Variants in SLCO5A1 observed in about 807,000 individuals in gnomAD.
SLCO5A1 encodes the protein organic anion transporter polypeptide-related protein 4.
In SLCO5A1, 39 loss-of-function variants were observed where a neutral mutation model predicts 65.1. The ratio of observed to expected loss-of-function variants is 0.60; its 90% CI spans 0.46 to 0.78. The LOEUF is 0.78. Among genes scored for constraint, SLCO5A1 ranks in the 30% least tolerant of loss-of-function variants. The probability of loss-of-function intolerance (pLI) is 0.00; values close to 1 mark genes in which losing one functional copy is unlikely to be tolerated. For missense variants in SLCO5A1, 1,029 were observed against 1,069.4 expected (o/e 0.96, Z 0.53); for synonymous variants, 438 against 415.7 (o/e 1.05, Z -0.65).
chr8:69,720,795 TC>T (rs1003522780), intron 5 of SLCO5A1, among the ~76,000 whole-genome samples: 4 of 152,240 alleles, frequency 2.6e-5, no homozygotes, highest in Non-Finnish European at 4.4e-5. Context: ...CTCTTTTTTT[TC>T]CTAAAGCAAG....
intron 2 of SLCO5A1, among the ~76,000 whole-genome samples, chr8:69,784,947 AAAG>A (rs1320632057): frequency 2.0e-5 from 3 of 147,952 alleles, no homozygotes; most frequent in Non-Finnish European, 3.0e-5. Flanking sequence ...AGAAAGAAAG[AAAG>A]AAGAAAGGAA....
chr8:69,770,313 G>A (rs777173166), intron 2 of SLCO5A1, among the ~76,000 whole-genome samples: 14 of 152,200 alleles, frequency 9.2e-5, no homozygotes, highest in Middle Eastern at 3.4e-3. Flanking sequence ...ACCAGATCCC[G>A]GCCCGGCACG....
chr8:69,757,673 C>A (rs1375317187), intron 3 of SLCO5A1, among the ~76,000 whole-genome samples: 8 of 152,110 alleles, frequency 5.3e-5, no homozygotes, highest in East Asian at 1.9e-4. Context: ...GAGTGAAACT[C>A]TGTCTCAAAA....
At chr8:69,768,128 G>A (rs922322033) in intron 2 of SLCO5A1, among the ~76,000 whole-genome samples, 4 of 152,082 alleles carry the variant, frequency 2.6e-5, no homozygotes, top group Admixed American at 2.6e-4. Flanking sequence ...AGCTACTCGG[G>A]AGGCTGAAGT....
At chr8:69,702,577 T>C (rs1814792613) in intron 6 of SLCO5A1, among the ~76,000 whole-genome samples, 1 of 152,096 alleles carries the variant, frequency 6.6e-6, no homozygotes, top group Admixed American at 6.5e-5. Context: ...GATGGCACAG[T>C]ATTCTGTAAT....
intron 2 of SLCO5A1, among the ~76,000 whole-genome samples, chr8:69,769,309 G>T (rs1471581120): frequency 2.1e-5 from 3 of 140,238 alleles, no homozygotes; most frequent in African/African-American, 9.2e-5. Context: ...CATCTTTCCA[G>T]CTAGGTTAGA....
chr8:69,829,657 G>A (rs1376923847), intron 2 of SLCO5A1, among the ~76,000 whole-genome samples: 1 of 150,672 alleles, frequency 6.6e-6, no homozygotes, highest in African/African-American at 2.5e-5. Flanking sequence ...CAGCCTGGGT[G>A]AAAGAAAGAC....
rs755704425 is a variant in SLCO5A1, at chr8:69,831,953, T to G, written c.721A>C (p.Asn241His). ...APNDGLCQGG[N>H]STATLEPPAC... ...GGAGGCTCCAAAGTGGCGGTGGAGT[T>G]GCCACCCTGACACAGGCCGTCGTTG... Residue 241 changes from asparagine (N) to histidine (H), a missense_variant, in exon 2 of 10, where the codon AAC becomes CAC. Physicochemically the swap from Asn to His is moderately conservative, Grantham distance 68. This residue lies in a region of SLCO5A1 where 647 missense variants were observed against 647.5 expected (regional missense o/e 1.00). Coordinates refer to ENST00000260126, the MANE Select transcript of SLCO5A1 (RefSeq NM_030958.3). The G allele has an allele frequency of 6.3e-7, 1 of 1,594,432 alleles. No individual in the cohort carries two copies. The highest frequency in any genetic ancestry group is 1.1e-5 in the South Asian group (1 of 88,188).
intron 2 of SLCO5A1, among the ~76,000 whole-genome samples, chr8:69,802,291 C>G (rs1586817020): frequency 6.6e-6 from 1 of 151,782 alleles, no homozygotes; most frequent in East Asian, 1.9e-4. Flanking sequence ...TCGCTTGAGT[C>G]CAGGAGTTCA....
At chr8:69,773,237 G>A (rs758651524) in intron 2 of SLCO5A1, among the ~76,000 whole-genome samples, 10 of 152,242 alleles carry the variant, frequency 6.6e-5, no homozygotes, top group Admixed American at 1.3e-4. Context: ...TCTTCTCTGC[G>A]TGCCCTAGAG....
At position 69,705,308 on chromosome 8, in the gene SLCO5A1, G is replaced by GC. The variant is rs1192324045; in HGVS notation, c.1424-80_1424-79insG. 265 of 1,398,576 alleles carry GC rather than the reference G, an allele frequency of 1.9e-4. 2 individuals carry two copies. The highest frequency in any genetic ancestry group is 4.0e-5 in the Non-Finnish European group (40 of 1,008,174). 86.6% of individuals were successfully genotyped at this position (1,398,576 alleles called of 1,614,324 possible). A position where few individuals can be genotyped will look rare whatever the true frequency, so the allele number is the denominator to read the frequency against. On this transcript the variant is annotated intron_variant, in intron 5 of 9. Transcript: ENST00000260126. ...TCTTATCTATTCTGTCTCTTGCTCA[G>GC]TAGTACTGAGGTAAAAAATCAAAAG...
intron 6 of SLCO5A1, among the ~76,000 whole-genome samples, chr8:69,691,148 T>C (rs898931626): frequency 1.3e-5 from 2 of 152,192 alleles, no homozygotes; most frequent in African/African-American, 4.8e-5. Context: ...GACACACCTG[T>C]ATGAAGTACA....
chr8:69,756,212 C>T (rs1429861746), intron 3 of SLCO5A1, among the ~76,000 whole-genome samples: 1 of 152,128 alleles, frequency 6.6e-6, no homozygotes, highest in Non-Finnish European at 1.5e-5. Context: ...TGAGACCAGC[C>T]TGGCCAACAT....
At chr8:69,752,859 C>T (rs1490514895) in intron 4 of SLCO5A1, among the ~76,000 whole-genome samples, 1 of 152,124 alleles carries the variant, frequency 6.6e-6, no homozygotes. Context: ...ATCAAAAATA[C>T]TAACAAGAAA....
At chr8:69,691,249 G>T (rs191128881) in intron 6 of SLCO5A1, among the ~76,000 whole-genome samples, 19 of 152,206 alleles carry the variant, frequency 1.2e-4, no homozygotes, top group African/African-American at 4.6e-4. Context: ...ATGTGAGTTG[G>T]AAATGGGCCA....
At chr8:69,701,919 A>C (rs1205661163) in intron 6 of SLCO5A1, among the ~76,000 whole-genome samples, 1 of 152,212 alleles carries the variant, frequency 6.6e-6, no homozygotes, top group Non-Finnish European at 1.5e-5. Context: ...CAAAAAAAGG[A>C]TTTGACCACA....
intron 5 of SLCO5A1, among the ~76,000 whole-genome samples, chr8:69,735,174 A>G (rs1294719529): frequency 6.6e-6 from 1 of 152,190 alleles, no homozygotes; most frequent in East Asian, 1.9e-4. Context: ...GAAACAACAG[A>G]TGCTGCCAAG....
chr8:69,681,154 A>C (rs1813746706), intron 7 of SLCO5A1, among the ~76,000 whole-genome samples: 1 of 152,246 alleles, frequency 6.6e-6, no homozygotes, highest in African/African-American at 2.4e-5. Context: ...TAAAACTCAG[A>C]CATCAAAAAC....
intron 5 of SLCO5A1, among the ~76,000 whole-genome samples, chr8:69,710,173 C>T (rs1449714496): frequency 6.6e-6 from 1 of 151,974 alleles, no homozygotes; most frequent in African/African-American, 2.4e-5. Context: ...CGCTGGCAAC[C>T]ACGACCGGCT....
Sources: gnomAD v4.1 joint callset for allele counts (sites outside exome capture counted in the v4.1 genomes callset) on GRCh38, gnomAD v4.1.1 for gene constraint, gnomAD v4.1.1 regional missense constraint, MANE v1.5 for transcripts, NCBI Gene and HGNC (gene_info 2026-07-23, HGNC 2026-07-21) for gene names.